RAB14: variants seen among roughly 807,000 people sequenced by gnomAD.
RAB14 encodes ras-related protein Rab-14.
Under a neutral mutation model 31.1 loss-of-function variants are expected in RAB14, and 3 were observed. The observed-to-expected ratio is 0.10, with a 90% CI of 0.04 to 0.25. The LOEUF is 0.25. RAB14 is among the 10% of genes least tolerant of loss of function. The pLI, the probability that RAB14 is intolerant of heterozygous loss-of-function variation, is 1.00. For missense variants in RAB14, 111 were observed against 260.1 expected, an observed-to-expected ratio of 0.43 and a Z score of 3.94; for synonymous variants, 85 against 84.9, an observed-to-expected ratio of 1.00 and a Z score of 0.00.
intron 1 of RAB14, among the ~76,000 whole-genome samples, chr9:121,197,836 C>T (rs2053726763): frequency 6.6e-6 from 1 of 151,948 alleles, no homozygotes. Flanking sequence ...ATTTTTACAG[C>T]AAAAAACTGG....
At chr9:121,182,843 T>A in intron 7 of RAB14, 87 bp downstream of exon 7, 1 of 1,098,578 alleles carries the variant, frequency 9.1e-7, no homozygotes, top group Non-Finnish European at 1.3e-6. Context: ...TTTATATGTG[T>A]ATATACATTA....
intron 1 of RAB14, among the ~76,000 whole-genome samples, chr9:121,196,215 T>C (rs901305751): frequency 9.9e-5 from 15 of 152,174 alleles, no homozygotes; most frequent in African/African-American, 3.4e-4. Flanking sequence ...TTCTATAACT[T>C]GTATACAACT....
In RAB14 at chr9:121,181,462, A is replaced by G; in HGVS notation, c.582T>C (p.Pro194=). ...TTAGCCGGCCTCCCTGCGGGGCTGAAGGTTTGTGTTGTACACCAGACTCAG... is the reference window on the plus strand; with the variant it reads ...TTAGCCGGCCTCCCTGCGGGGCTGAGGGTTTGTGTTGTACACCAGACTCAG... The part of the protein sequence containing the change: ...NAAESGVQHK[P]SAPQGGRLTS... Residue 194 remains proline (P), a synonymous_variant, in exon 8 of 8, where the codon CCT becomes CCC. Coordinates refer to ENST00000373840, the MANE Select transcript of RAB14 (RefSeq NM_016322.4). 1 of 1,612,628 alleles carries G rather than the reference A, an allele frequency of 6.2e-7. No homozygotes were observed. The highest frequency in any genetic ancestry group is 1.3e-5 in the African/African-American group (1 of 75,006).
rs1417809225 is a variant in RAB14 at position 121,181,040 on chromosome 9, AT to A, written c.*355del. The A allele has an allele frequency of 1.2e-5, 2 of 173,330 alleles. No individual in the cohort carries two copies. Among genetic ancestry groups the A allele is most frequent in the Non-Finnish European group, 2.4e-5 (2 of 82,170 alleles). The allele number at this position is 173,330 out of a possible 1,614,324, so 10.7% of individuals were successfully genotyped here. A position where few individuals can be genotyped will look rare whatever the true frequency, so the allele number is the denominator to read the frequency against. On this transcript the variant is annotated 3_prime_UTR_variant, in exon 8 of 8. Transcript: ENST00000373840. ...GAAGAAAGGCTTAAGATATCACCAA[AT>A]TAAACCGTACAGTGAGACAAAGCCT...
chr9:121,197,806 A>G (rs1415282611), intron 1 of RAB14, among the ~76,000 whole-genome samples: 3 of 152,232 alleles, frequency 2.0e-5, no homozygotes, highest in Non-Finnish European at 4.4e-5. Flanking sequence ...GGCTACAGGT[A>G]TTAGTGCATT....
Position 121,180,513 on chromosome 9 carries a change from CATA to C in RAB14, c.*880_*882del. ...CTCTGATGCTAGGAGCTCTTTCCAG[CATA>C]ATGTCCCCAAACACTGCCAGCACCA... On this transcript the variant is annotated 3_prime_UTR_variant, in exon 8 of 8. Coordinates refer to ENST00000373840, the MANE Select transcript of RAB14 (RefSeq NM_016322.4). The C allele has an allele frequency of 6.5e-6, 1 of 152,774 alleles. No individual in the cohort carries two copies. The highest frequency in any genetic ancestry group is 3.4e-3 in the Middle Eastern group (1 of 294). 9.5% of individuals were successfully genotyped at this position (152,774 alleles called of 1,614,324 possible). A position where few individuals can be genotyped will look rare whatever the true frequency, so the allele number is the denominator to read the frequency against.
At chr9:121,201,069 G>A (rs1316646643) in intron 1 of RAB14, among the ~76,000 whole-genome samples, 1 of 151,984 alleles carries the variant, frequency 6.6e-6, no homozygotes, top group African/African-American at 2.4e-5. Context: ...CCCCGGCCCC[G>A]GCCCGGCCCG....
Position 121,178,673 on chromosome 9 carries a change from C to T in RAB14, c.*2723G>A, listed in dbSNP as rs1258880349. ...AAAGAAATTGTACTACCTCTATTAACGTGTAAACCACCAACCAAAAAAAAA... is the reference window on the plus strand; with the variant it reads ...AAAGAAATTGTACTACCTCTATTAATGTGTAAACCACCAACCAAAAAAAAA... On this transcript the variant is annotated 3_prime_UTR_variant, in exon 8 of 8. Coordinates refer to ENST00000373840, the MANE Select transcript of RAB14 (RefSeq NM_016322.4). 4.0e-5 allele frequency: 6 copies of T among 150,744 alleles called. No individual in the cohort carries two copies. The highest frequency in any genetic ancestry group is 1.9e-4 in the East Asian group (1 of 5,130). The allele number at this position is 150,744 out of a possible 1,614,324, so 9.3% of individuals were successfully genotyped here.
At chr9:121,194,564 C>T (rs1000147702) in intron 1 of RAB14, among the ~76,000 whole-genome samples, 1 of 152,084 alleles carries the variant, frequency 6.6e-6, no homozygotes, top group Non-Finnish European at 1.5e-5. Flanking sequence ...ATTCTCAAAC[C>T]AGCTTTCAGC....
At chr9:121,193,487 A>C (rs6478504) in intron 1 of RAB14, 68 bp from the exon 2 acceptor site, 701,665 of 982,046 alleles carry the variant, frequency 0.71, 255,462 homozygotes, top group East Asian at 0.96. Context: ...CGGATGACTG[A>C]TATCCTTTAA....
chr9:121,199,249 T>C (rs2053736325), intron 1 of RAB14, among the ~76,000 whole-genome samples: 1 of 152,238 alleles, frequency 6.6e-6, no homozygotes. Flanking sequence ...TGTATATTGA[T>C]GAAGCAAGAC....
At chr9:121,183,185 C>T in intron 6 of RAB14, 126 bp downstream of exon 6, 2 of 837,474 alleles carry the variant, frequency 2.4e-6, no homozygotes, top group Non-Finnish European at 3.9e-6. Flanking sequence ...TTGTTACTTC[C>T]TCATTCTTGA....
chr9:121,192,161 T>C lies in RAB14; in HGVS notation c.106+10A>G, dbSNP rs764215824. 45 of 1,559,666 alleles carry C rather than the reference T, an allele frequency of 2.9e-5. 1 individual carries two copies. The highest frequency in any genetic ancestry group is 3.6e-5 in the Non-Finnish European group (41 of 1,134,716). On this transcript the variant is annotated intron_variant, in intron 3 of 7. Coordinates refer to ENST00000373840, the MANE Select transcript of RAB14 (RefSeq NM_016322.4). Reference sequence around the variant, plus strand: ...AAACTATTAATGTTTACCTCATGTATTGAACTTACATTTTTTTTCTGTAAA... The same window carrying C: ...AAACTATTAATGTTTACCTCATGTACTGAACTTACATTTTTTTTCTGTAAA...
intron 4 of RAB14, 83 bp downstream of exon 4, chr9:121,190,471 A>T: frequency 8.2e-7 from 1 of 1,214,844 alleles, no homozygotes; most frequent in Non-Finnish European, 1.1e-6. Flanking sequence ...ATTACAAACT[A>T]AAAAAAATGC....
At chr9:121,188,896 C>T (rs1413798014) in intron 4 of RAB14, among the ~76,000 whole-genome samples, 1 of 152,052 alleles carries the variant, frequency 6.6e-6, no homozygotes, top group Non-Finnish European at 1.5e-5. Context: ...CTGATCACCA[C>T]TATCTAATTC....
Position 121,193,406 on chromosome 9 carries a change from T to C in RAB14, c.7A>G (p.Thr3Ala), listed in dbSNP as rs191077015. MA[T>A]APYNYSYIFK... ...ATGTAAGAGTAGTTGTATGGTGCAG[T>C]TGCCATGGTGGCACTAAAAACAAAG... Residue 3 changes from threonine to alanine, a missense_variant, in exon 2 of 8, where the codon ACT (threonine) becomes GCT (alanine). Transcript: ENST00000373840. 8 of 1,583,546 alleles carry C rather than the reference T, an allele frequency of 5.1e-6. No individual in the cohort carries two copies. The South Asian group carries it at 5.9e-5, about 12-fold the overall frequency.
intron 7 of RAB14, among the ~76,000 whole-genome samples, chr9:121,181,783 C>T (rs2053634795): frequency 7.6e-6 from 1 of 132,126 alleles, no homozygotes; most frequent in African/African-American, 2.7e-5. Flanking sequence ...GAGACTCACT[C>T]TGTCACCAGG....
At chr9:121,200,036 C>G (rs1434748292) in intron 1 of RAB14, among the ~76,000 whole-genome samples, 1 of 152,188 alleles carries the variant, frequency 6.6e-6, no homozygotes, top group African/African-American at 2.4e-5. Context: ...ATCCTAGCAA[C>G]AACTCTAAGA....
At chr9:121,185,810 G>A (rs757749078) in intron 5 of RAB14, among the ~76,000 whole-genome samples, 6 of 152,084 alleles carry the variant, frequency 3.9e-5, no homozygotes, top group Non-Finnish European at 8.8e-5. Context: ...ACCTGTCAAT[G>A]GCCAGGTTGG....
Sources: gnomAD v4.1 joint callset for allele counts (sites outside exome capture counted in the v4.1 genomes callset) on GRCh38, gnomAD v4.1.1 for gene constraint, MANE v1.5 for transcripts, NCBI Gene and HGNC (gene_info 2026-07-23, HGNC 2026-07-21) for gene names.